AJAP1: variants seen among roughly 807,000 people sequenced by gnomAD.
AJAP1 encodes adherens junctions associated protein 1.
A neutral mutation model predicts 35.0 loss-of-function variants in AJAP1; 5 were observed. The observed-to-expected ratio is 0.14, with a 90% confidence interval of 0.07 to 0.30. AJAP1 has a LOEUF of 0.30. AJAP1 is among the 10% of genes least tolerant of loss of function. The pLI, the probability that AJAP1 is intolerant of heterozygous loss-of-function variation, is 1.00. For missense variants in AJAP1, 586 were observed against 571.0 expected (o/e 1.03, Z -0.27); for synonymous variants, 284 against 249.3 (o/e 1.14, Z -1.31).
chr1:4,770,350 G>A (rs1027104465), intron 3 of AJAP1, among the ~76,000 whole-genome samples: 2 of 152,200 alleles, frequency 1.3e-5, no homozygotes, highest in African/African-American at 2.4e-5. Flanking sequence ...CAGGCTTGGT[G>A]GCCGGTTGCT....
In AJAP1 at chr1:4,730,142, C is replaced by T. The variant is rs1222813665; in HGVS notation, c.829+17443C>T. ...ATATGTCGGTATTGCCTGTGCACCT[C>T]GCAGATTCCACCCCTACAAGAATGG... On this transcript the variant is annotated intron_variant, in intron 2 of 5. Coordinates refer to ENST00000378191, the MANE Select transcript of AJAP1 (RefSeq NM_018836.4). Among the ~76,000 whole-genome samples, 7 of 152,310 alleles carry T rather than the reference C, an allele frequency of 4.6e-5. No homozygotes were observed. In the East Asian group the frequency reaches 1.2e-3, roughly 25 times the overall value.
intron 2 of AJAP1, among the ~76,000 whole-genome samples, chr1:4,748,313 A>T (rs1462347744): frequency 6.6e-6 from 1 of 152,132 alleles, no homozygotes; most frequent in African/African-American, 2.4e-5. Flanking sequence ...GGTGTGTTAC[A>T]TGCATGATCT....
In AJAP1 at chr1:4,692,282, G is replaced by A. The variant is rs1048440934; in HGVS notation, c.30-19618G>A. On this transcript the variant is annotated intron_variant, in intron 1 of 5. Transcript: ENST00000378191. This position sits in a 1 kb window ranked among gnomAD's most constrained non-coding sequence, Gnocchi z 4.4. ...CAGGACAGGGTTGTCAGGGCTTCTCGGGCTCCTCACCCCGCGCCCTGGGCT... is the reference window on the plus strand; with the variant it reads ...CAGGACAGGGTTGTCAGGGCTTCTCAGGCTCCTCACCCCGCGCCCTGGGCT... 1.3e-5 allele frequency among the ~76,000 whole-genome samples: 2 copies of A among 152,102 alleles called. No homozygotes were observed. The highest frequency in any genetic ancestry group is 2.9e-5 in the Non-Finnish European group (2 of 68,012).
intron 2 of AJAP1, among the ~76,000 whole-genome samples, chr1:4,754,889 G>A (rs1570199167): frequency 6.6e-6 from 1 of 152,138 alleles, no homozygotes; most frequent in African/African-American, 2.4e-5. Flanking sequence ...TGTGGGGACA[G>A]TGCTCACAGC....
rs1246257016 is a variant in AJAP1, at chr1:4,792,042, G to A, written c.*9557G>A. 1 of 151,884 alleles carries A rather than the reference G, an allele frequency of 6.6e-6. No individual in the cohort carries two copies. The highest frequency in any genetic ancestry group is 2.4e-5 in the African/African-American group (1 of 41,324). 9.4% of individuals were successfully genotyped at this position (151,884 alleles called of 1,614,324 possible). Reference sequence around the variant, plus strand: ...TTTATTCCCCCGCCCCCTCACCCATGTATACCAAAACTGGTTTTATTTTCA... The same window carrying A: ...TTTATTCCCCCGCCCCCTCACCCATATATACCAAAACTGGTTTTATTTTCA... On this transcript the variant is annotated 3_prime_UTR_variant, in exon 6 of 6. Transcript: ENST00000378191.
At chr1:4,710,153 C>A (rs1557619468) in intron 1 of AJAP1, among the ~76,000 whole-genome samples, 1 of 122,222 alleles carries the variant, frequency 8.2e-6, no homozygotes, top group African/African-American at 3.1e-5. Context: ...AATACACACA[C>A]AGATACTCTC....
Position 4,723,890 on chromosome 1 carries a change from G to A in AJAP1, c.829+11191G>A, listed in dbSNP as rs1640584928. 6.6e-6 allele frequency among the ~76,000 whole-genome samples: 1 copy of A among 152,126 alleles called. No homozygotes were observed. The highest frequency in any genetic ancestry group is 1.5e-5 in the Non-Finnish European group (1 of 68,018). On this transcript the variant is annotated intron_variant, in intron 2 of 5. Coordinates refer to ENST00000378191, the MANE Select transcript of AJAP1 (RefSeq NM_018836.4). The surrounding 1 kb of genome is among the most constrained non-coding windows in gnomAD (Gnocchi z 4.3). ...CAATGTGGCAGGGACGGAGGAACGG[G>A]GACAATACAGAAGCCAAGTCCTTAA...
In AJAP1 at chr1:4,772,285, C is replaced by T; in HGVS notation, c.923C>T (p.Ala308Val). ...CCAAACTCTTTCTCTTCCAGCTGTG[C>T]CCAAAGCGGGAACACTCGTCGGAAC... ...ITTLVLKNCC[A>V]QSGNTRRNSH... The change falls in exon 4 of 6, where the codon GCC (alanine) becomes GTC (valine). Residue 308 changes from alanine (A) to valine (V), a missense_variant. Transcript: ENST00000378191. 2 of 1,614,106 alleles carry T rather than the reference C, an allele frequency of 1.2e-6. No individual in the cohort carries two copies. Among genetic ancestry groups the T allele is most frequent in the South Asian group, 1.1e-5 (1 of 91,086 alleles).
chr1:4,772,648 G>T (rs1482679102), intron 4 of AJAP1, 123 bp downstream of exon 4: 3 of 1,412,644 alleles, frequency 2.1e-6, no homozygotes, highest in Non-Finnish European at 1.9e-6. Flanking sequence ...GTCGCTTTGA[G>T]GGGCCCAGCC....
rs34960969 is a variant in AJAP1, at chr1:4,783,223, AT to A, written c.*740del. ...ACACACATATTACACACATGTGCGC[AT>A]TACACACACACAATACACATACATG... is the stretch of plus-strand genomic sequence containing the variant. On this transcript the variant is annotated 3_prime_UTR_variant, in exon 6 of 6. Transcript: ENST00000378191. The A allele has an allele frequency of 0.51, 85,292 of 166,000 alleles. 23,052 individuals carry two copies. The highest frequency in any genetic ancestry group is 0.67 in the African/African-American group (28,045 of 41,826). 10.3% of individuals were successfully genotyped at this position (166,000 alleles called of 1,614,324 possible). A position where few individuals can be genotyped will look rare whatever the true frequency, so the allele number is the denominator to read the frequency against.
In AJAP1 at chr1:4,789,370, A is replaced by G. The variant is rs949983139; in HGVS notation, c.*6885A>G. On this transcript the variant is annotated 3_prime_UTR_variant, in exon 6 of 6. Transcript: ENST00000378191. This position sits in a 1 kb window ranked among gnomAD's most constrained non-coding sequence, Gnocchi z 4.4. Reference sequence around the variant, plus strand: ...TTGTCAATATCTTGGATTCCATAGTAAAACATCTGTTAAGTAACATGCGGC... The same window carrying G: ...TTGTCAATATCTTGGATTCCATAGTGAAACATCTGTTAAGTAACATGCGGC... 1 of 152,246 alleles carries G rather than the reference A, an allele frequency of 6.6e-6. No individual in the cohort carries two copies. Among genetic ancestry groups the G allele is most frequent in the African/African-American group, 2.4e-5 (1 of 41,462 alleles). 9.4% of individuals were successfully genotyped at this position (152,246 alleles called of 1,614,324 possible).
chr1:4,774,428 C>T lies in AJAP1; in HGVS notation c.1165C>T (p.Pro389Ser). Residue 389 changes from proline (P) to serine (S), a missense_variant and splice_region_variant, in exon 5 of 6, where the codon CCC becomes TCC. Transcript: ENST00000378191. ...EYKSTFNGNR[P>S]SSSDRHLIPV... The stretch of plus-strand genomic sequence containing the variant: ...AGCCCATTTTTCTGTTCACCGCAGA[C>T]CCTCCTCTTCTGATCGGCATCTTAT... The T allele has an allele frequency of 1.2e-6, 2 of 1,614,178 alleles. No homozygotes were observed. The highest frequency in any genetic ancestry group is 8.5e-7 in the Non-Finnish European group (1 of 1,180,004).
At chr1:4,714,611 A>T (rs985546154) in intron 2 of AJAP1, among the ~76,000 whole-genome samples, 2 of 152,236 alleles carry the variant, frequency 1.3e-5, no homozygotes, top group Non-Finnish European at 2.9e-5. Flanking sequence ...ACAGATGCTT[A>T]TCTTGGAAGC....
intron 2 of AJAP1, among the ~76,000 whole-genome samples, chr1:4,733,578 G>A (rs910077980): frequency 4.0e-5 from 6 of 151,364 alleles, no homozygotes; most frequent in Admixed American, 2.6e-4. Flanking sequence ...TTGCACAGCC[G>A]TCTTCCTGTC....
rs1640499614 is a variant in AJAP1 at position 4,720,773 on chromosome 1, C to T, written c.829+8074C>T. On this transcript the variant is annotated intron_variant, in intron 2 of 5. Coordinates refer to ENST00000378191, the MANE Select transcript of AJAP1 (RefSeq NM_018836.4). The surrounding 1 kb of genome is among the most constrained non-coding windows in gnomAD (Gnocchi z 4.4). Reference sequence around the variant, plus strand: ...GAAAATGCCATTTGCTTTCTGTGACCTTCAGTATCCTCTTTTGAGGTCAGT... The same window carrying T: ...GAAAATGCCATTTGCTTTCTGTGACTTTCAGTATCCTCTTTTGAGGTCAGT... Among the ~76,000 whole-genome samples the T allele has an allele frequency of 1.3e-5, 2 of 152,142 alleles. No homozygotes were observed. The highest frequency in any genetic ancestry group is 6.5e-5 in the Admixed American group (1 of 15,280).
intron 2 of AJAP1, among the ~76,000 whole-genome samples, chr1:4,750,268 G>GCA (rs1015127177): frequency 6.6e-6 from 1 of 152,106 alleles, no homozygotes; most frequent in Non-Finnish European, 1.5e-5. Context: ...CAGTGTGTGT[G>GCA]CACACACACA....
intron 1 of AJAP1, among the ~76,000 whole-genome samples, chr1:4,710,837 G>A (rs1010586164): frequency 2.6e-5 from 4 of 152,224 alleles, no homozygotes; most frequent in Non-Finnish European, 4.4e-5. Flanking sequence ...CCGCGCCCTG[G>A]TTTTCATGTG....
intron 1 of AJAP1, among the ~76,000 whole-genome samples, chr1:4,700,759 G>A (rs529964198): frequency 2.0e-5 from 3 of 152,312 alleles, no homozygotes; most frequent in Non-Finnish European, 2.9e-5. Context: ...CCCAGCAGCC[G>A]AGGCTGCACT....
intron 1 of AJAP1, among the ~76,000 whole-genome samples, chr1:4,711,582 T>G (rs2100264693): frequency 6.6e-6 from 1 of 152,086 alleles, no homozygotes; most frequent in African/African-American, 2.4e-5. Context: ...AGGCTGGGGG[T>G]TTCTGAGGCT....
Sources: gnomAD v4.1 joint callset for allele counts (sites outside exome capture counted in the v4.1 genomes callset) on GRCh38, gnomAD v4.1.1 for gene constraint, Gnocchi (gnomAD v3.1) non-coding constraint, MANE v1.5 for transcripts, NCBI Gene and HGNC (gene_info 2026-07-23, HGNC 2026-07-21) for gene names.